MAP2: variants seen among roughly 807,000 people sequenced by gnomAD.
The protein encoded by MAP2 is microtubule associated protein 2, also known as microtubule-associated protein 2.
Under a neutral mutation model 137.6 loss-of-function variants are expected in MAP2, and 14 were observed. The observed-to-expected ratio is 0.10, with a 90% CI of 0.07 to 0.16. The LOEUF (loss-of-function observed/expected upper bound fraction) is 0.16, where lower values mean the gene tolerates loss of function less well. MAP2 is among the 10% of genes least tolerant of loss of function. The pLI, the probability that MAP2 is intolerant of heterozygous loss-of-function variation, is 1.00. For synonymous variants in MAP2, 786 were observed against 782.3 expected (o/e 1.00, Z -0.08); for missense variants, 2,088 against 2,191.5 (o/e 0.95, Z 0.94).
rs200567427 is a variant in MAP2, at chr2:209,695,095, A to G, written c.2925A>G (p.Glu975=). 1.1e-4 allele frequency: 185 copies of G among 1,614,050 alleles called. 2 individuals are homozygous for G. The highest frequency in any genetic ancestry group is 2.7e-5 in the Non-Finnish European group (32 of 1,180,032). ...EKSEEHADSK[E]HAKKTEEAGD... ...GTGAAGAACATGCTGATTCAAAAGA[A>G]CATGCCAAGAAAACTGAAGAGGCTG... The change falls in exon 8 of 16, where the codon GAA becomes GAG. Residue 975 remains glutamate (E), a synonymous_variant. Coordinates refer to ENST00000682079, the MANE Select transcript of MAP2 (RefSeq NM_001375505.1).
intron 5 of MAP2, among the ~76,000 whole-genome samples, chr2:209,665,244 A>G (rs2153646779): frequency 6.6e-6 from 1 of 152,284 alleles, no homozygotes; most frequent in Non-Finnish European, 1.5e-5. Flanking sequence ...TATTTTCTTG[A>G]TGATGAAAAT....
intron 5 of MAP2, among the ~76,000 whole-genome samples, chr2:209,658,959 A>G (rs1314580235): frequency 6.6e-6 from 1 of 152,212 alleles, no homozygotes. Context: ...CATATCTTTT[A>G]TCTCATTTCA....
intron 3 of MAP2, among the ~76,000 whole-genome samples, chr2:209,591,180 C>A (rs1456143479): frequency 4.6e-5 from 7 of 152,192 alleles, no homozygotes; most frequent in East Asian, 3.9e-4. Context: ...GAAATAAAAC[C>A]CAGGTCTGTC....
chr2:209,708,097 C>A (rs1388608988), intron 12 of MAP2, among the ~76,000 whole-genome samples: 1 of 152,118 alleles, frequency 6.6e-6, no homozygotes, highest in African/African-American at 2.4e-5. Context: ...CTATTCAAAA[C>A]TGGTGAAGTA....
intron 2 of MAP2, among the ~76,000 whole-genome samples, chr2:209,578,507 TC>T (rs1281803769): frequency 6.6e-6 from 1 of 151,968 alleles, no homozygotes; most frequent in African/African-American, 2.4e-5. Flanking sequence ...ATTTTTTTTT[TC>T]TTGACTTTCT....
Position 209,693,639 on chromosome 2 carries a change from C to T in MAP2, c.1469C>T (p.Thr490Ile). The T allele has an allele frequency of 1.2e-6, 2 of 1,613,882 alleles. No individual in the cohort carries two copies. The highest frequency in any genetic ancestry group is 1.7e-6 in the Non-Finnish European group (2 of 1,179,982). ...TFSEQKDQEPTTDMLKQDSFP... is the reference protein window; with the variant it reads ...TFSEQKDQEPITDMLKQDSFP... The stretch of plus-strand genomic sequence containing the variant: ...TCAGAACAGAAAGACCAAGAGCCTA[C>T]CACAGATATGTTGAAACAGGACTCG... The change falls in exon 8 of 16, where the codon ACC becomes ATC. Residue 490 changes from threonine (T) to isoleucine (I), a missense_variant. Around this residue, in one of 6 missense-constraint regions of MAP2, gnomAD observed 859 missense variants for 794.5 expected, o/e 1.08. Coordinates refer to ENST00000682079, the MANE Select transcript of MAP2 (RefSeq NM_001375505.1).
At chr2:209,534,052 C>A (rs1382704964) in intron 2 of MAP2, among the ~76,000 whole-genome samples, 1 of 152,184 alleles carries the variant, frequency 6.6e-6, no homozygotes, top group Non-Finnish European at 1.5e-5. Context: ...CCCCAAAGGG[C>A]TATGCAAAAT....
intron 4 of MAP2, among the ~76,000 whole-genome samples, chr2:209,631,961 C>T (rs2093104964): frequency 6.6e-6 from 1 of 152,090 alleles, no homozygotes; most frequent in African/African-American, 2.4e-5. Flanking sequence ...TGCTATAAAA[C>T]CTAACCTAGG....
At chr2:209,575,215 T>G (rs1490768943) in intron 2 of MAP2, among the ~76,000 whole-genome samples, 1 of 152,072 alleles carries the variant, frequency 6.6e-6, no homozygotes, top group Non-Finnish European at 1.5e-5. Flanking sequence ...TAAAACATAT[T>G]GATTACAAAA....
At chr2:209,587,355 C>A (rs2153421756) in intron 3 of MAP2, among the ~76,000 whole-genome samples, 1 of 152,228 alleles carries the variant, frequency 6.6e-6, no homozygotes, top group East Asian at 1.9e-4. Flanking sequence ...AAGATAGTCT[C>A]TGACTTCAGG....
chr2:209,661,626 G>C, intron 5 of MAP2: 1 of 985,446 alleles, frequency 1.0e-6, no homozygotes. Flanking sequence ...TAGGCATCCG[G>C]GGCTAGAAAG....
chr2:209,534,240 T>G (rs566514077), intron 2 of MAP2, among the ~76,000 whole-genome samples: 1 of 152,376 alleles, frequency 6.6e-6, no homozygotes, highest in Admixed American at 6.5e-5. Flanking sequence ...TTATCTTGTT[T>G]AGCCCTTACA....
At chr2:209,552,169 T>C (rs1278411564) in intron 2 of MAP2, among the ~76,000 whole-genome samples, 2 of 152,190 alleles carry the variant, frequency 1.3e-5, no homozygotes, top group African/African-American at 2.4e-5. Flanking sequence ...AGAACATCTA[T>C]AAACAAAAAT....
intron 3 of MAP2, among the ~76,000 whole-genome samples, chr2:209,587,548 G>A (rs2078082554): frequency 6.6e-6 from 1 of 152,094 alleles, no homozygotes; most frequent in Non-Finnish European, 1.5e-5. Context: ...TCTGTCAGGA[G>A]GAATGTTACC....
intron 1 of MAP2, among the ~76,000 whole-genome samples, chr2:209,493,819 T>C (rs139049609): frequency 7.6e-4 from 116 of 152,312 alleles, no homozygotes; most frequent in African/African-American, 2.7e-3. Flanking sequence ...ATAGGAATGC[T>C]TTTACACTGT....
At chr2:209,724,356 T>C (rs941659060) in intron 13 of MAP2, among the ~76,000 whole-genome samples, 13 of 152,086 alleles carry the variant, frequency 8.5e-5, no homozygotes, top group African/African-American at 2.9e-4. Context: ...AGAATTGAAA[T>C]GGTCAGACAA....
intron 2 of MAP2, among the ~76,000 whole-genome samples, chr2:209,556,761 T>C (rs781612012): frequency 2.3e-4 from 35 of 151,776 alleles, no homozygotes; most frequent in South Asian, 6.2e-4. Flanking sequence ...CCATTGTAGC[T>C]GACAATGGCA....
chr2:209,571,203 C>G (rs181922648), intron 2 of MAP2, among the ~76,000 whole-genome samples: 1 of 151,798 alleles, frequency 6.6e-6, no homozygotes, highest in African/African-American at 2.4e-5. Flanking sequence ...GATCCTAAAA[C>G]TTATGAATGA....
intron 3 of MAP2, among the ~76,000 whole-genome samples, chr2:209,615,993 G>A (rs766333640): frequency 1.3e-5 from 2 of 152,114 alleles, no homozygotes; most frequent in South Asian, 2.1e-4. Context: ...TCCCACCTTC[G>A]GGTGAGGGCA....
Sources: gnomAD v4.1 joint callset for allele counts (sites outside exome capture counted in the v4.1 genomes callset) on GRCh38, gnomAD v4.1.1 for gene constraint, gnomAD v4.1.1 regional missense constraint, MANE v1.5 for transcripts, NCBI Gene and HGNC (gene_info 2026-07-23, HGNC 2026-07-21) for gene names.